The following RHOT1 variants were observed in gnomAD, a reference collection of about 807,000 sequenced individuals.
RHOT1 encodes the protein mitochondrial Rho GTPase 1.
Under a neutral mutation model 95.3 loss-of-function variants are expected in RHOT1, and 27 were observed. That is an observed-to-expected ratio of 0.28 (90% CI 0.21 to 0.39). RHOT1 has a LOEUF of 0.39. Among genes scored for constraint, RHOT1 ranks in the 10% least tolerant of loss-of-function variants. The probability of loss-of-function intolerance (pLI) is 1.00; values close to 1 mark genes in which losing one functional copy is unlikely to be tolerated. For synonymous variants in RHOT1, 227 were observed against 263.5 expected (o/e 0.86, Z 1.34); for missense variants, 578 against 786.7 (o/e 0.73, Z 3.17).
intron 1 of RHOT1, among the ~76,000 whole-genome samples, chr17:32,152,362 A>G (rs142523416): frequency 1.3e-5 from 2 of 152,322 alleles, no homozygotes; most frequent in Non-Finnish European, 2.9e-5. Flanking sequence ...GAAGTTCCTC[A>G]TAATGTTGGT....
At chr17:32,221,766 T>G in intron 19 of RHOT1, among the ~76,000 whole-genome samples, 1 of 152,210 alleles carries the variant, frequency 6.6e-6, no homozygotes, top group Non-Finnish European at 1.5e-5. Flanking sequence ...GATCTTGAAA[T>G]GCAAAAGAAA....
intron 16 of RHOT1, among the ~76,000 whole-genome samples, chr17:32,205,736 C>T (rs1156580590): frequency 2.0e-5 from 3 of 152,106 alleles, no homozygotes; most frequent in African/African-American, 4.8e-5. Flanking sequence ...GCCTGACCAA[C>T]GTGGAGAAAC....
intron 1 of RHOT1, among the ~76,000 whole-genome samples, chr17:32,148,008 G>C (rs376598626): frequency 1.3e-5 from 2 of 152,154 alleles, no homozygotes; most frequent in Admixed American, 6.5e-5. Flanking sequence ...GCTCACGCCT[G>C]TAATCCCAGC....
At chr17:32,205,544 G>A (rs1443388173) in intron 16 of RHOT1, among the ~76,000 whole-genome samples, 3 of 152,188 alleles carry the variant, frequency 2.0e-5, no homozygotes, top group Non-Finnish European at 4.4e-5. Context: ...TAGGCACACT[G>A]CCTATGGGTT....
chr17:32,206,961 G>A lies in RHOT1; in HGVS notation c.1468G>A (p.Asp490Asn). 6.2e-7 allele frequency: 1 copy of A among 1,609,436 alleles called. No homozygotes were observed. Among genetic ancestry groups the A allele is most frequent in the Non-Finnish European group, 8.5e-7 (1 of 1,176,446 alleles). Residue 490 changes from aspartate (D) to asparagine (N), a missense_variant, in exon 17 of 20, where the codon GAT becomes AAT. Around this residue, in one of 4 missense-constraint regions of RHOT1, gnomAD observed 296 missense variants for 338.5 expected, o/e 0.87. Coordinates refer to ENST00000545287, the MANE Select transcript of RHOT1 (RefSeq NM_001033566.3). The part of the protein sequence containing the change: ...EFLTEAEIIC[D>N]VVCLVYDVSN... Reference sequence around the variant, plus strand: ...TCTAACTGAAGCTGAAATCATTTGTGATGTTGTATGCCTGGTATATGATGT... The same window carrying A: ...TCTAACTGAAGCTGAAATCATTTGTAATGTTGTATGCCTGGTATATGATGT...
intron 18 of RHOT1, chr17:32,209,283 A>G (rs2037967369): frequency 1.2e-6 from 1 of 813,572 alleles, no homozygotes; most frequent in Non-Finnish European, 1.9e-6. Flanking sequence ...TCCTATTATT[A>G]TAGAATAACC....
intron 3 of RHOT1, among the ~76,000 whole-genome samples, chr17:32,174,509 C>T (rs541175174): frequency 6.6e-6 from 1 of 152,154 alleles, no homozygotes; most frequent in African/African-American, 2.4e-5. Flanking sequence ...ATATGTGTAG[C>T]CATATAATTA....
intron 18 of RHOT1, chr17:32,209,666 C>T: frequency 2.6e-6 from 1 of 386,276 alleles, no homozygotes; most frequent in Non-Finnish European, 4.8e-6. Flanking sequence ...GTTTTTACAT[C>T]TGCATTTTTA....
intron 13 of RHOT1, among the ~76,000 whole-genome samples, chr17:32,200,603 T>A (rs1487256547): frequency 3.3e-5 from 5 of 151,794 alleles, no homozygotes; most frequent in Admixed American, 6.6e-5. Context: ...TACTAAAAAA[T>A]TTTTTTAAAT....
At chr17:32,152,681 C>T (rs1052433051) in intron 1 of RHOT1, among the ~76,000 whole-genome samples, 3 of 152,042 alleles carry the variant, frequency 2.0e-5, no homozygotes, top group Non-Finnish European at 4.4e-5. Flanking sequence ...CAAAACATCT[C>T]TTGAAAGCCT....
chr17:32,211,985 A>G (rs1382376751), intron 19 of RHOT1, among the ~76,000 whole-genome samples: 1 of 152,204 alleles, frequency 6.6e-6, no homozygotes, highest in Non-Finnish European at 1.5e-5. Flanking sequence ...TGATCATGCT[A>G]CCTTTGTTCA....
intron 19 of RHOT1, among the ~76,000 whole-genome samples, chr17:32,217,122 G>A (rs2038524186): frequency 6.6e-6 from 1 of 152,144 alleles, no homozygotes; most frequent in Non-Finnish European, 1.5e-5. Context: ...TTAACATATA[G>A]ATATTGGAGC....
At chr17:32,171,260 G>A (rs978860204) in intron 2 of RHOT1, among the ~76,000 whole-genome samples, 159 bp downstream of exon 2, 4 of 151,722 alleles carry the variant, frequency 2.6e-5, no homozygotes, top group Non-Finnish European at 4.4e-5. Flanking sequence ...TCACTCTATT[G>A]CCCAGGCTGG....
chr17:32,224,590 A>T, intron 19 of RHOT1, 26 bp from the exon 20 acceptor site: 1 of 1,494,080 alleles, frequency 6.7e-7, no homozygotes, highest in Non-Finnish European at 9.2e-7. Flanking sequence ...CATGTTTTAA[A>T]TAATAATTAT....
At chr17:32,158,121 G>C (rs991103246) in intron 1 of RHOT1, among the ~76,000 whole-genome samples, 2 of 152,198 alleles carry the variant, frequency 1.3e-5, no homozygotes, top group South Asian at 2.1e-4. Flanking sequence ...CTCCCAAAGT[G>C]CTGGGATTAC....
At chr17:32,204,102 T>G in intron 16 of RHOT1, 129 bp downstream of exon 16, 1 of 645,566 alleles carries the variant, frequency 1.5e-6, no homozygotes, top group Non-Finnish European at 2.6e-6. Flanking sequence ...TTTTATTTAA[T>G]TTTTTTTAGA....
intron 1 of RHOT1, among the ~76,000 whole-genome samples, chr17:32,149,774 A>G (rs2032053509): frequency 6.6e-6 from 1 of 151,238 alleles, no homozygotes; most frequent in African/African-American, 2.4e-5. Flanking sequence ...GAGAGAAGAG[A>G]GTCTCACTCT....
rs1425179049 is a variant in RHOT1 at position 32,225,423 on chromosome 17, C to A, written c.*690C>A. The A allele has an allele frequency of 6.6e-6, 1 of 152,266 alleles. No individual in the cohort carries two copies. Among genetic ancestry groups the A allele is most frequent in the Non-Finnish European group, 1.5e-5 (1 of 67,938 alleles). The allele number at this position is 152,266 out of a possible 1,614,324, so 9.4% of individuals were successfully genotyped here. Reference sequence around the variant, plus strand: ...TTGTCAGTATGTTGAATTTTATAGCCCTTTCAATGAAATAAAAAAAAAATT... The same window carrying A: ...TTGTCAGTATGTTGAATTTTATAGCACTTTCAATGAAATAAAAAAAAAATT... On this transcript the variant is annotated 3_prime_UTR_variant, in exon 20 of 20. Transcript: ENST00000545287.
chr17:32,211,304 T>C, intron 19 of RHOT1, 66 bp downstream of exon 19: 1 of 1,453,040 alleles, frequency 6.9e-7, no homozygotes, highest in Non-Finnish European at 9.3e-7. Context: ...AGCGGATAAC[T>C]ATTTATTATA....
Sources: gnomAD v4.1 joint callset for allele counts (sites outside exome capture counted in the v4.1 genomes callset) on GRCh38, gnomAD v4.1.1 for gene constraint, gnomAD v4.1.1 regional missense constraint, MANE v1.5 for transcripts, NCBI Gene and HGNC (gene_info 2026-07-23, HGNC 2026-07-21) for gene names.